Variants in PLCG2 observed in about 807,000 individuals in gnomAD.
The protein encoded by PLCG2 is 1-phosphatidylinositol 4,5-bisphosphate phosphodiesterase gamma-2.
In PLCG2, 69 loss-of-function variants were observed where a neutral mutation model predicts 175.6. The ratio of observed to expected loss-of-function variants is 0.39; its 90% CI spans 0.32 to 0.48. The LOEUF (loss-of-function observed/expected upper bound fraction) is 0.48. Among genes scored for constraint, PLCG2 ranks in the 20% least tolerant of loss-of-function variants. The pLI, the probability that PLCG2 is intolerant of heterozygous loss-of-function variation, is 0.91. For missense variants in PLCG2, 1,798 were observed against 1,650.9 expected, an observed-to-expected ratio of 1.09 and a Z score of -1.54; for synonymous variants, 827 against 624.0, an observed-to-expected ratio of 1.33 and a Z score of -4.85.
At chr16:81,866,258 C>T (rs1907229378) in intron 5 of PLCG2, among the ~76,000 whole-genome samples, 1 of 132,264 alleles carries the variant, frequency 7.6e-6, no homozygotes, top group Admixed American at 7.3e-5. Context: ...ATGAGCTCCA[C>T]TGGGGCACCA....
At chr16:81,769,672 T>C (rs1291671607) in intron 2 of PLCG2, among the ~76,000 whole-genome samples, 3 of 151,268 alleles carry the variant, frequency 2.0e-5, no homozygotes, top group South Asian at 2.1e-4. Flanking sequence ...AAAAAAAAAT[T>C]AGCCGGGCGT....
chr16:81,881,839 A>G (rs796406323), intron 8 of PLCG2, among the ~76,000 whole-genome samples: 43 of 149,478 alleles, frequency 2.9e-4, no homozygotes, highest in African/African-American at 9.9e-4. Context: ...TTTGGTAGAG[A>G]TGGGGTTTCA....
intron 2 of PLCG2, among the ~76,000 whole-genome samples, chr16:81,800,376 C>G (rs1911666993): frequency 6.6e-6 from 1 of 152,142 alleles, no homozygotes; most frequent in Admixed American, 6.5e-5. Flanking sequence ...TTACCCTGCT[C>G]CCCAACAGGC....
chr16:81,826,962 T>A (rs149982294), intron 2 of PLCG2, among the ~76,000 whole-genome samples: 2 of 152,334 alleles, frequency 1.3e-5, no homozygotes, highest in African/African-American at 4.8e-5. Flanking sequence ...TCCGATGAGA[T>A]GACTGAAGAT....
At chr16:81,947,272 C>T (rs140763460) in intron 31 of PLCG2, among the ~76,000 whole-genome samples, 9 of 152,240 alleles carry the variant, frequency 5.9e-5, no homozygotes, top group East Asian at 5.8e-4. Context: ...GAGCCAGGGG[C>T]GTTGTGTGGG....
At chr16:81,895,465 C>T (rs1466430154) in intron 12 of PLCG2, among the ~76,000 whole-genome samples, 1 of 151,848 alleles carries the variant, frequency 6.6e-6, no homozygotes, top group Non-Finnish European at 1.5e-5. Context: ...GAGGCTGAGG[C>T]AGGGGAATTG....
At chr16:81,868,846 A>T (rs942866269) in intron 5 of PLCG2, among the ~76,000 whole-genome samples, 3 of 152,116 alleles carry the variant, frequency 2.0e-5, no homozygotes, top group Non-Finnish European at 4.4e-5. Context: ...CTGGGACATC[A>T]CCCTATACTG....
chr16:81,809,253 C>T (rs936404993), intron 2 of PLCG2, among the ~76,000 whole-genome samples: 1 of 152,158 alleles, frequency 6.6e-6, no homozygotes, highest in Non-Finnish European at 1.5e-5. Context: ...CTGAGGGCTT[C>T]TGCTAGCCTG....
intron 25 of PLCG2, among the ~76,000 whole-genome samples, chr16:81,932,564 C>G (rs764936478): frequency 1.3e-5 from 2 of 152,210 alleles, no homozygotes; most frequent in East Asian, 1.9e-4. Context: ...TGGCTAGAGT[C>G]AGTGAGTCTC....
chr16:81,907,440 A>G (rs1252947572), intron 15 of PLCG2, among the ~76,000 whole-genome samples: 1 of 152,248 alleles, frequency 6.6e-6, no homozygotes, highest in Non-Finnish European at 1.5e-5. Context: ...TACCTACCTT[A>G]GACTCATGGA....
chr16:81,775,828 T>A (rs1009748078), upstream of PLCG2, among the ~76,000 whole-genome samples: 1 of 152,084 alleles, frequency 6.6e-6, no homozygotes, highest in African/African-American at 2.4e-5. Flanking sequence ...CCCTTTGAGG[T>A]CACTTCCTGA....
At chr16:81,840,185 G>C (rs765065563) in intron 2 of PLCG2, among the ~76,000 whole-genome samples, 1 of 152,188 alleles carries the variant, frequency 6.6e-6, no homozygotes, top group East Asian at 1.9e-4. Flanking sequence ...GGCAATCAAC[G>C]AAGGGCGATG....
At chr16:81,939,858 A>C (rs765777455) in intron 29 of PLCG2, 34 bp from the exon 30 acceptor site, 1 of 1,511,994 alleles carries the variant, frequency 6.6e-7, no homozygotes, top group African/African-American at 1.4e-5. Flanking sequence ...GGCAGCTCCA[A>C]TGTGGCCTCT....
chr16:81,813,521 A>G (rs1394689487), intron 2 of PLCG2, among the ~76,000 whole-genome samples: 1 of 152,178 alleles, frequency 6.6e-6, no homozygotes, highest in African/African-American at 2.4e-5. Flanking sequence ...TTGATTTTGT[A>G]TCCTGAGACT....
intron 2 of PLCG2, among the ~76,000 whole-genome samples, chr16:81,844,643 G>A (rs1390537564): frequency 6.6e-6 from 1 of 152,180 alleles, no homozygotes; most frequent in Non-Finnish European, 1.5e-5. Context: ...TGTTTTCATT[G>A]GCACCTAGGT....
chr16:81,954,453 G>A (rs1326317240), intron 31 of PLCG2, among the ~76,000 whole-genome samples: 1 of 152,156 alleles, frequency 6.6e-6, no homozygotes, highest in Non-Finnish European at 1.5e-5. Flanking sequence ...GTGGTTTGCT[G>A]TACTCGTCAA....
At chr16:81,797,038 C>G (rs531361281) in intron 2 of PLCG2, among the ~76,000 whole-genome samples, 4 of 152,236 alleles carry the variant, frequency 2.6e-5, no homozygotes, top group Non-Finnish European at 4.4e-5. Context: ...GCGTTGCTTT[C>G]TTCCACGTGT....
intron 10 of PLCG2, among the ~76,000 whole-genome samples, 174 bp from the exon 11 acceptor site, chr16:81,891,298 C>T (rs779383450): frequency 1.3e-5 from 2 of 152,126 alleles, no homozygotes; most frequent in Non-Finnish European, 2.9e-5. Context: ...CGCTGCAGCC[C>T]ATTGCAGCCT....
intron 9 of PLCG2, among the ~76,000 whole-genome samples, chr16:81,886,964 C>G (rs1232983430): frequency 6.6e-6 from 1 of 152,104 alleles, no homozygotes; most frequent in Non-Finnish European, 1.5e-5. Context: ...ACATTTCAGT[C>G]TTCTTTAGGT....
Sources: allele counts gnomAD v4.1 joint callset (sites outside exome capture counted in the v4.1 genomes callset), GRCh38; gene constraint gnomAD v4.1.1; transcripts MANE v1.5; gene names NCBI Gene and HGNC (gene_info 2026-07-23, HGNC 2026-07-21).